The following MACROD2 variants were observed in gnomAD, a reference collection of about 807,000 sequenced individuals.
MACROD2 encodes the protein ADP-ribose glycohydrolase MACROD2.
In MACROD2, 36 loss-of-function variants were observed where a neutral mutation model predicts 70.4. The ratio of observed to expected loss-of-function variants is 0.51; its 90% CI spans 0.39 to 0.68. The LOEUF (loss-of-function observed/expected upper bound fraction) is 0.68. MACROD2 is among the 30% of genes least tolerant of loss of function. The pLI is 0.00. For synonymous variants in MACROD2, 172 were observed against 178.8 expected, an observed-to-expected ratio of 0.96 and a Z score of 0.30; for missense variants, 496 against 538.4, an observed-to-expected ratio of 0.92 and a Z score of 0.78.
intron 8 of MACROD2, among the ~76,000 whole-genome samples, chr20:15,761,440 T>A (rs1331750827): frequency 6.6e-6 from 1 of 152,198 alleles, no homozygotes; most frequent in African/African-American, 2.4e-5. Flanking sequence ...AGAATTTAGC[T>A]TAGTAAATAA....
intron 5 of MACROD2, among the ~76,000 whole-genome samples, chr20:15,002,008 A>T (rs1272018108): frequency 6.6e-6 from 1 of 151,882 alleles, no homozygotes; most frequent in Non-Finnish European, 1.5e-5. Flanking sequence ...TTTATCCACT[A>T]GTTGATTGAT....
At chr20:14,541,992 A>G (rs1375810947) in intron 4 of MACROD2, among the ~76,000 whole-genome samples, 1 of 152,216 alleles carries the variant, frequency 6.6e-6, no homozygotes, top group Non-Finnish European at 1.5e-5. Context: ...AATAAACCAC[A>G]TAATGTTTTT....
intron 2 of MACROD2, among the ~76,000 whole-genome samples, chr20:14,027,894 G>A (rs1569123205): frequency 6.6e-6 from 1 of 152,212 alleles, no homozygotes; most frequent in Non-Finnish European, 1.5e-5. Context: ...AAAGGGTCAG[G>A]GACCCACTTG....
At chr20:15,126,840 T>A (rs571385549) in intron 5 of MACROD2, among the ~76,000 whole-genome samples, 10 of 152,162 alleles carry the variant, frequency 6.6e-5, no homozygotes, top group African/African-American at 7.2e-5. Flanking sequence ...AAGGATAATT[T>A]AAAAAAAATC....
chr20:14,230,417 A>T (rs528948583), intron 3 of MACROD2, among the ~76,000 whole-genome samples: 1 of 151,996 alleles, frequency 6.6e-6, no homozygotes, highest in African/African-American at 2.4e-5. Context: ...TCAAGAAACC[A>T]CTTTCTTTGC....
At chr20:14,696,344 A>G (rs552649812) in intron 5 of MACROD2, among the ~76,000 whole-genome samples, 1 of 152,048 alleles carries the variant, frequency 6.6e-6, no homozygotes, top group Non-Finnish European at 1.5e-5. Context: ...TGCCACTCAC[A>G]TGCTTTTTTT....
intron 4 of MACROD2, among the ~76,000 whole-genome samples, chr20:14,561,943 CA>C (rs1289011277): frequency 6.6e-6 from 1 of 150,538 alleles, no homozygotes; most frequent in African/African-American, 2.4e-5. Context: ...AAGTTGAGGT[CA>C]AAAAAATAAA....
At position 14,386,758 on chromosome 20, in the gene MACROD2, A is replaced by G. The variant is rs543753881; in HGVS notation, c.272-106721A>G. Among the ~76,000 whole-genome samples the G allele has an allele frequency of 1.1e-4, 16 of 152,316 alleles. No homozygotes were observed. The South Asian group carries it at 2.9e-3, about 28-fold the overall frequency. On this transcript the variant is annotated intron_variant, in intron 3 of 17. Coordinates refer to ENST00000684519, the MANE Select transcript of MACROD2 (RefSeq NM_001351661.2). ...CAGCCTGCAGACACATGAATCAGTTAAACATCTCTTCATTATAAATTACCC... is the reference window on the plus strand; with the variant it reads ...CAGCCTGCAGACACATGAATCAGTTGAACATCTCTTCATTATAAATTACCC...
rs71192307 is a variant in MACROD2 at position 15,948,382 on chromosome 20, C to CAAAAAAAAAAAAAAAAAAAAAAAAA, written c.907+10844_907+10868dup. ...TTCACTCTATTAAATCTTGCAACTGCAAAAAAAAAAAAAAAAAAAAAAAAA... is the reference window on the plus strand; with the variant it reads ...TTCACTCTATTAAATCTTGCAACTGCAAAAAAAAAAAAAAAAAAAAAAAAAAAAAAAAAAAAAAAAAAAAAAAAAA... On this transcript the variant is annotated intron_variant, in intron 12 of 17. Coordinates refer to ENST00000684519, the MANE Select transcript of MACROD2 (RefSeq NM_001351661.2). Among the ~76,000 whole-genome samples the CAAAAAAAAAAAAAAAAAAAAAAAAA allele has an allele frequency of 6.7e-4, 29 of 43,152 alleles. 2 individuals are homozygous for CAAAAAAAAAAAAAAAAAAAAAAAAA. Among genetic ancestry groups the CAAAAAAAAAAAAAAAAAAAAAAAAA allele is most frequent in the Admixed American group, 7.6e-4 (2 of 2,646 alleles). 28.3% of individuals were successfully genotyped at this position (43,152 alleles called of 152,430 possible).
At chr20:15,302,201 C>A (rs903819643) in intron 6 of MACROD2, among the ~76,000 whole-genome samples, 2 of 152,148 alleles carry the variant, frequency 1.3e-5, no homozygotes, top group African/African-American at 2.4e-5. Context: ...TTTCTTAGCT[C>A]CCGCTCCATT....
intron 8 of MACROD2, among the ~76,000 whole-genome samples, chr20:15,572,842 C>T (rs2048393716): frequency 6.6e-6 from 1 of 151,898 alleles, no homozygotes; most frequent in African/African-American, 2.4e-5. Flanking sequence ...AAGATGTAGC[C>T]CCAGGAGGAA....
intron 13 of MACROD2, among the ~76,000 whole-genome samples, chr20:15,972,361 C>G (rs2066244246): frequency 6.6e-6 from 1 of 152,088 alleles, no homozygotes; most frequent in South Asian, 2.1e-4. Context: ...TATCAACCCA[C>G]ATATGCAAGA....
At chr20:15,037,591 G>A (rs964994030) in intron 5 of MACROD2, among the ~76,000 whole-genome samples, 16 of 152,048 alleles carry the variant, frequency 1.1e-4, no homozygotes, top group Non-Finnish European at 1.5e-4. Flanking sequence ...GTCTTAAAGC[G>A]GCTGGAAGAG....
intron 8 of MACROD2, among the ~76,000 whole-genome samples, chr20:15,564,253 C>A (rs371720651): frequency 2.6e-4 from 40 of 152,282 alleles, no homozygotes; most frequent in Admixed American, 4.6e-4. Context: ...AACCTTCGCT[C>A]ATTTTTGTCA....
intron 4 of MACROD2, among the ~76,000 whole-genome samples, chr20:14,664,886 C>T (rs1389153675): frequency 6.6e-6 from 1 of 152,050 alleles, no homozygotes; most frequent in Non-Finnish European, 1.5e-5. Flanking sequence ...AAGAAATTCA[C>T]CTGTTCTATG....
At chr20:14,192,798 G>A (rs1273035738) in intron 3 of MACROD2, among the ~76,000 whole-genome samples, 2 of 152,156 alleles carry the variant, frequency 1.3e-5, no homozygotes, top group Admixed American at 1.3e-4. Flanking sequence ...CAAATTACTG[G>A]ACTGGGAACT....
chr20:14,393,157 A>T (rs1022290836), intron 3 of MACROD2, among the ~76,000 whole-genome samples: 1 of 152,162 alleles, frequency 6.6e-6, no homozygotes, highest in African/African-American at 2.4e-5. Flanking sequence ...AATATTGTTA[A>T]ATGAGAGCTG....
intron 6 of MACROD2, among the ~76,000 whole-genome samples, chr20:15,353,035 G>A (rs932572822): frequency 1.8e-4 from 28 of 151,866 alleles, no homozygotes; most frequent in African/African-American, 9.7e-5. Flanking sequence ...AAAAGAGCCC[G>A]CATTGCCAAG....
rs201549242 is a variant in MACROD2, at chr20:15,196,792, CATA to C, written c.419-33144_419-33142del. 5.6e-3 allele frequency: 4,838 copies of C among 862,584 alleles called. 15 individuals are homozygous for C. Among genetic ancestry groups the C allele is most frequent in the Non-Finnish European group, 5.9e-3 (4,254 of 718,498 alleles). The allele number at this position is 862,584 out of a possible 1,614,324, so 53.4% of individuals were successfully genotyped here. ...CAGGAAGTACCCACTTCAGCCACCC[CATA>C]ATATTTCTCTACCCCTCCCTTCTGC... On this transcript the variant is annotated intron_variant, in intron 5 of 17. Transcript: ENST00000684519.
Sources: gnomAD v4.1 joint callset for allele counts (sites outside exome capture counted in the v4.1 genomes callset) on GRCh38, gnomAD v4.1.1 for gene constraint, MANE v1.5 for transcripts, NCBI Gene and HGNC (gene_info 2026-07-23, HGNC 2026-07-21) for gene names.